The following SRGAP1 variants were observed in gnomAD, a reference collection of about 807,000 sequenced individuals.
SRGAP1 encodes the protein SLIT-ROBO Rho GTPase-activating protein 1.
In SRGAP1, 43 loss-of-function variants were observed where a neutral mutation model predicts 121.9. The observed-to-expected ratio is 0.35, with a 90% CI of 0.28 to 0.46. The LOEUF (loss-of-function observed/expected upper bound fraction) is 0.46, where lower values mean the gene tolerates loss of function less well. Ranked by LOEUF, SRGAP1 falls within the 20% of genes least tolerant of loss-of-function variation. The probability of loss-of-function intolerance (pLI) is 1.00; values close to 1 mark genes in which losing one functional copy is unlikely to be tolerated. For synonymous variants in SRGAP1, 447 were observed against 485.4 expected (o/e 0.92, Z 1.04); for missense variants, 1,102 against 1,350.9 (o/e 0.82, Z 2.89).
intron 6 of SRGAP1, among the ~76,000 whole-genome samples, chr12:64,055,631 G>A (rs1293817906): frequency 6.6e-6 from 1 of 151,978 alleles, no homozygotes; most frequent in East Asian, 1.9e-4. Flanking sequence ...AACCAAAACA[G>A]CATGGTACTG....
chr12:63,966,424 A>T (rs1370849931), intron 1 of SRGAP1, among the ~76,000 whole-genome samples: 3 of 152,184 alleles, frequency 2.0e-5, no homozygotes, highest in Admixed American at 2.0e-4. Flanking sequence ...TGTGCTTTCA[A>T]AGGAAAAAGA....
chr12:64,092,467 T>TAC (rs1283323326), intron 12 of SRGAP1, among the ~76,000 whole-genome samples: 497 of 125,720 alleles, frequency 4.0e-3, no homozygotes, highest in Middle Eastern at 0.028. Flanking sequence ...CATACATACA[T>TAC]ATATACATAC....
intron 6 of SRGAP1, among the ~76,000 whole-genome samples, chr12:64,051,948 C>G (rs953119146): frequency 2.0e-5 from 3 of 152,036 alleles, no homozygotes; most frequent in African/African-American, 7.2e-5. Flanking sequence ...ATGATGAGTT[C>G]CATCACTGAA....
At chr12:63,855,476 T>TTTTTTTTG (rs1899210886) in intron 1 of SRGAP1, among the ~76,000 whole-genome samples, 1 of 59,010 alleles carries the variant, frequency 1.7e-5, no homozygotes, top group African/African-American at 9.1e-5. Flanking sequence ...AAATGGTGTT[T>TTTTTTTTG]TTTTTTTTTT....
chr12:63,944,449 C>G (rs1259041970), intron 1 of SRGAP1, among the ~76,000 whole-genome samples: 1 of 152,130 alleles, frequency 6.6e-6, no homozygotes, highest in African/African-American at 2.4e-5. Flanking sequence ...GCACTAATGC[C>G]CTCATGACCC....
chr12:64,002,214 G>A (rs995349316), intron 3 of SRGAP1, among the ~76,000 whole-genome samples: 26 of 152,094 alleles, frequency 1.7e-4, no homozygotes, highest in Admixed American at 6.6e-5. Flanking sequence ...CATTTTTCTC[G>A]CTACTTCCTC....
At chr12:63,887,164 G>A (rs542951127) in intron 1 of SRGAP1, among the ~76,000 whole-genome samples, 10 of 152,166 alleles carry the variant, frequency 6.6e-5, no homozygotes, top group Admixed American at 2.0e-4. Context: ...GTGAGCCACC[G>A]TGCCTGGCCA....
At chr12:64,141,207 G>T (rs1227791852) in intron 21 of SRGAP1, among the ~76,000 whole-genome samples, 2 of 147,486 alleles carry the variant, frequency 1.4e-5, no homozygotes, top group Non-Finnish European at 3.0e-5. Context: ...CACCAGCATG[G>T]CACATGTATA....
rs373927701 is a variant in SRGAP1, at chr12:64,142,390, C to G, written c.2976C>G (p.Thr992=). The G allele has an allele frequency of 9.9e-6, 16 of 1,613,880 alleles. No homozygotes were observed. The highest frequency in any genetic ancestry group is 1.4e-5 in the Non-Finnish European group (16 of 1,180,008). The change falls in exon 22 of 22, where the codon ACC becomes ACG. Residue 992 remains threonine, a synonymous_variant. Coordinates refer to ENST00000355086, the MANE Select transcript of SRGAP1 (RefSeq NM_020762.4). ...ATGCCCCTGATGTGGTGCTGGATAC[C>G]CTGGAGCAAGTGAAAAACTCTCCCA... ...AKHAPDVVLD[T]LEQVKNSPTP...
intron 1 of SRGAP1, among the ~76,000 whole-genome samples, chr12:63,951,152 C>CTTTTTTTTTTTTTTTTTTTT (rs58637983): frequency 1.6e-4 from 7 of 44,184 alleles, no homozygotes; most frequent in African/African-American, 5.9e-4. Flanking sequence ...ATTTAGAACT[C>CTTTTTTTTTTTTTTTTTTTT]TTTTTTTTTT....
At chr12:63,915,447 A>G (rs991998274) in intron 1 of SRGAP1, among the ~76,000 whole-genome samples, 1 of 152,240 alleles carries the variant, frequency 6.6e-6, no homozygotes, top group Non-Finnish European at 1.5e-5. Flanking sequence ...GGGGCATTCT[A>G]TTTGTATGGA....
chr12:64,147,776 T>C lies in SRGAP1; in HGVS notation c.*5104T>C, dbSNP rs987884407. The C allele has an allele frequency of 7.5e-6, 3 of 397,830 alleles. No individual in the cohort carries two copies. The highest frequency in any genetic ancestry group is 1.3e-5 in the Non-Finnish European group (3 of 226,018). The allele number at this position is 397,830 out of a possible 1,614,324, so 24.6% of individuals were successfully genotyped here. A position where few individuals can be genotyped will look rare whatever the true frequency, so the allele number is the denominator to read the frequency against. ...TGGCATGTACCATTACAGGCTTCAG[T>C]ATACAGTCAGGTTTGTTCTTCACGG... On this transcript the variant is annotated 3_prime_UTR_variant, in exon 22 of 22. Coordinates refer to ENST00000355086, the MANE Select transcript of SRGAP1 (RefSeq NM_020762.4).
intron 1 of SRGAP1, among the ~76,000 whole-genome samples, chr12:63,882,263 G>A (rs548499230): frequency 7.4e-6 from 1 of 135,004 alleles, no homozygotes; most frequent in African/African-American, 2.7e-5. Flanking sequence ...TAATGCTTCT[G>A]TAATTTTGTT....
intron 9 of SRGAP1, 89 bp from the exon 10 acceptor site, chr12:64,080,197 C>G: frequency 1.9e-6 from 2 of 1,038,680 alleles, no homozygotes; most frequent in East Asian, 2.7e-5. Context: ...GAGCCAAGAT[C>G]GCGCCACTGC....
intron 1 of SRGAP1, among the ~76,000 whole-genome samples, chr12:63,942,363 C>T (rs940904538): frequency 5.9e-5 from 9 of 152,144 alleles, no homozygotes; most frequent in African/African-American, 2.2e-4. Flanking sequence ...TACAATATGT[C>T]TAAGTGAATG....
At chr12:63,937,563 G>A (rs1350197867) in intron 1 of SRGAP1, among the ~76,000 whole-genome samples, 1 of 152,158 alleles carries the variant, frequency 6.6e-6, no homozygotes, top group African/African-American at 2.4e-5. Context: ...TTAAAGCAGG[G>A]ATGCTGAATT....
chr12:64,127,948 CCTTT>C lies in SRGAP1; in HGVS notation c.2631_2634del (p.Ser878ThrfsTer6). 6.2e-7 allele frequency: 1 copy of C among 1,614,234 alleles called. No individual in the cohort carries two copies. On this transcript the variant is annotated frameshift_variant, in exon 21 of 22. Transcript: ENST00000355086. LOFTEE classifies it high-confidence loss of function. Reference sequence around the variant, plus strand: ...ATTGCCCGCTCCACCCTCCACATGCCCTTTCTAACTCCTCAGTTGACCTAGGGTC... The same window carrying C: ...ATTGCCCGCTCCACCCTCCACATGCCCTAACTCCTCAGTTGACCTAGGGTC...
At chr12:63,972,533 G>A (rs1057481082) in intron 1 of SRGAP1, among the ~76,000 whole-genome samples, 7 of 152,174 alleles carry the variant, frequency 4.6e-5, no homozygotes, top group African/African-American at 1.7e-4. Flanking sequence ...TGCCTAAGTC[G>A]ATAGCATTTT....
chr12:64,069,469 C>G (rs2035601919), intron 8 of SRGAP1, among the ~76,000 whole-genome samples: 1 of 152,022 alleles, frequency 6.6e-6, no homozygotes, highest in South Asian at 2.1e-4. Flanking sequence ...AAACTTGCAC[C>G]CTTGGTACCT....
Sources: gnomAD v4.1 joint callset for allele counts (sites outside exome capture counted in the v4.1 genomes callset) on GRCh38, gnomAD v4.1.1 for gene constraint, MANE v1.5 for transcripts, NCBI Gene and HGNC (gene_info 2026-07-23, HGNC 2026-07-21) for gene names.